The following ALG10 variants were observed in gnomAD, a reference collection of about 807,000 sequenced individuals.
The protein encoded by ALG10 is dol-P-Glc:Glc(2)Man(9)GlcNAc(2)-PP-Dol alpha-1,2-glucosyltransferase A.
Under a neutral mutation model 39.2 loss-of-function variants are expected in ALG10, and 25 were observed. The ratio of observed to expected loss-of-function variants is 0.64; its 90% confidence interval spans 0.46 to 0.89. The LOEUF (loss-of-function observed/expected upper bound fraction) is 0.89, where lower values mean the gene tolerates loss of function less well. Among genes scored for constraint, ALG10 ranks in the 40% least tolerant of loss-of-function variants. The pLI is 0.00. For synonymous variants in ALG10, 184 were observed against 193.9 expected (o/e 0.95, Z 0.42); for missense variants, 486 against 546.6 (o/e 0.89, Z 1.11).
rs2120701445 is a variant in ALG10 at position 34,027,819 on chromosome 12, T to G, written c.*904T>G. ...TCCATAAACAGACATTCTATGTCTGTTTCCTAATATCTTGTGGCTGTGTGC... is the reference window on the plus strand; with the variant it reads ...TCCATAAACAGACATTCTATGTCTGGTTCCTAATATCTTGTGGCTGTGTGC... On this transcript the variant is annotated 3_prime_UTR_variant, in exon 3 of 3. Transcript: ENST00000266483. 6.6e-6 allele frequency: 1 copy of G among 152,260 alleles called. No individual in the cohort carries two copies. The highest frequency in any genetic ancestry group is 2.4e-5 in the African/African-American group (1 of 41,552). 9.4% of individuals were successfully genotyped at this position (152,260 alleles called of 1,614,324 possible).
At position 34,026,430 on chromosome 12, in the gene ALG10, A is replaced by G. The variant is rs1942833549; in HGVS notation, c.937A>G (p.Lys313Glu). Residue 313 changes from lysine to glutamate, a missense_variant, in exon 3 of 3, where the codon AAG becomes GAG. Coordinates refer to ENST00000266483, the MANE Select transcript of ALG10 (RefSeq NM_032834.4). ...TCATCTCCTGTCTCCTAGCAAAATT[A>G]AGACTTTTCTTTCCTTAGTTTGGAA... Reference protein sequence around the residue: ...FPHLLSPSKIKTFLSLVWKRR... With the variant: ...FPHLLSPSKIETFLSLVWKRR... The G allele has an allele frequency of 6.2e-7, 1 of 1,613,900 alleles. No homozygotes were observed. The highest frequency in any genetic ancestry group is 1.1e-5 in the South Asian group (1 of 91,058).
Position 34,027,548 on chromosome 12 carries a change from G to T in ALG10, c.*633G>T, listed in dbSNP as rs1392315426. 1 of 152,564 alleles carries T rather than the reference G, an allele frequency of 6.6e-6. No individual in the cohort carries two copies. Among genetic ancestry groups the T allele is most frequent in the African/African-American group, 2.4e-5 (1 of 41,452 alleles). The allele number at this position is 152,564 out of a possible 1,614,324, so 9.5% of individuals were successfully genotyped here. ...TGGTTATTGTTTACAATCTAGAAAT[G>T]ATGAAGCTCTTTCACTAATTCCTAA... On this transcript the variant is annotated 3_prime_UTR_variant, in exon 3 of 3. Transcript: ENST00000266483.
rs1233913352 is a variant in ALG10 at position 34,025,904 on chromosome 12, A to G, written c.411A>G (p.Leu137=). Residue 137 remains leucine, a synonymous_variant, in exon 3 of 3, where the codon CTA becomes CTG. Coordinates refer to ENST00000266483, the MANE Select transcript of ALG10 (RefSeq NM_032834.4). ...AGAGAGTCTTGTCAACATTAACACT[A>G]GCAGTATTTCCAACACTTTATTTTT... ...SIQRVLSTLT[L]AVFPTLYFFN... is the part of the protein sequence containing the mutation. 4.3e-5 allele frequency: 70 copies of G among 1,613,924 alleles called. No homozygotes were observed. The highest frequency in any genetic ancestry group is 5.4e-5 in the Non-Finnish European group (64 of 1,179,916).
At position 34,022,519 on chromosome 12, in the gene ALG10, C is replaced by G; in HGVS notation, c.-81C>G. On this transcript the variant is annotated 5_prime_UTR_variant, in exon 1 of 3. Coordinates refer to ENST00000266483, the MANE Select transcript of ALG10 (RefSeq NM_032834.4). ...CTAGTCCCGCCTAGCGCGCCCATTT[C>G]GAGCCCAAGTTTCCAGCTCGGGTTT... 2 of 1,610,944 alleles carry G rather than the reference C, an allele frequency of 1.2e-6. No individual in the cohort carries two copies. The highest frequency in any genetic ancestry group is 3.3e-5 in the Admixed American group (2 of 59,984).
chr12:34,022,860 G>T (rs184136900), intron 1 of ALG10, 90 bp downstream of exon 1: 2 of 1,566,572 alleles, frequency 1.3e-6, no homozygotes, highest in Admixed American at 3.5e-5. Context: ...CACTCGTCCT[G>T]TTCCACCCCC....
At position 34,023,342 on chromosome 12, in the gene ALG10, C is replaced by T. The variant is rs1942798992; in HGVS notation, c.171+572C>T. ...TACATATAAATATCAAAATAAGCAT[C>T]CCCTGCTTCTCTGGTGACACAATAT... On this transcript the variant is annotated intron_variant, in intron 1 of 2. Coordinates refer to ENST00000266483, the MANE Select transcript of ALG10 (RefSeq NM_032834.4). 3 of 166,284 alleles carry T rather than the reference C, an allele frequency of 1.8e-5. No individual in the cohort carries two copies. In the South Asian group the frequency reaches 4.5e-4, roughly 25 times the overall value. The allele number at this position is 166,284 out of a possible 1,614,324, so 10.3% of individuals were successfully genotyped here. A position where few individuals can be genotyped will look rare whatever the true frequency, so the allele number is the denominator to read the frequency against.
Position 34,026,623 on chromosome 12 carries a change from A to G in ALG10, c.1130A>G (p.Tyr377Cys), listed in dbSNP as rs1236865938. The change falls in exon 3 of 3, where the codon TAT (tyrosine) becomes TGT (cysteine). Residue 377 changes from tyrosine to cysteine, a missense_variant. Transcript: ENST00000266483. ...GTAAAATATTTGTTAGTTCCAGCCT[A>G]TATATTTGCTGGTTGGAGTATAGCT... Reference protein sequence around the residue: ...ETVKYLLVPAYIFAGWSIADS... With the variant: ...ETVKYLLVPACIFAGWSIADS... 1.9e-6 allele frequency: 3 copies of G among 1,613,898 alleles called. No homozygotes were observed. The highest frequency in any genetic ancestry group is 2.5e-6 in the Non-Finnish European group (3 of 1,179,894).
chr12:34,023,822 A>G (rs372004461), intron 1 of ALG10, 140 bp from the exon 2 acceptor site: 82 of 1,185,128 alleles, frequency 6.9e-5, no homozygotes, highest in Non-Finnish European at 9.1e-5. Flanking sequence ...CTGTTCTGCC[A>G]AGGACTTACT....
rs150598480 is a variant in ALG10, at chr12:34,027,021, T to TG, written c.*108dup. On this transcript the variant is annotated 3_prime_UTR_variant, in exon 3 of 3. Transcript: ENST00000266483. Reference sequence around the variant, plus strand: ...ATGGAATTTCTTTTAGGTGCAGTGGTGGTCTTCAAATTACATTAGTTTTTT... The same window carrying TG: ...ATGGAATTTCTTTTAGGTGCAGTGGTGGGTCTTCAAATTACATTAGTTTTTT... 22 of 1,244,170 alleles carry TG rather than the reference T, an allele frequency of 1.8e-5. No homozygotes were observed. In the African/African-American group the frequency reaches 3.2e-4, roughly 18 times the overall value. The allele number at this position is 1,244,170 out of a possible 1,614,324, so 77.1% of individuals were successfully genotyped here.
intron 1 of ALG10, 26 bp downstream of exon 1, chr12:34,022,796 C>A: frequency 1.9e-6 from 3 of 1,613,990 alleles, no homozygotes; most frequent in Non-Finnish European, 2.5e-6. Flanking sequence ...TGTCCCCACC[C>A]CAGGAGAGGC....
At position 34,026,020 on chromosome 12, in the gene ALG10, C is replaced by A. The variant is rs776778309; in HGVS notation, c.527C>A (p.Ala176Asp). The A allele has an allele frequency of 2.5e-6, 4 of 1,614,024 alleles. No individual in the cohort carries two copies. In the South Asian group the frequency reaches 3.3e-5, roughly 13 times the overall value. ...CTTTATGGAAATCATAAAACTTCAGCCTTCCTTGGATTTTGTGGCTTCATG... is the reference window on the plus strand; with the variant it reads ...CTTTATGGAAATCATAAAACTTCAGACTTCCTTGGATTTTGTGGCTTCATG... ...MCLYGNHKTS[A>D]FLGFCGFMFR... is the part of the protein sequence containing the mutation. The change falls in exon 3 of 3, where the codon GCC (alanine) becomes GAC (aspartate). Residue 176 changes from alanine (A) to aspartate (D), a missense_variant. Physicochemically the swap from Ala to Asp is moderately radical, Grantham distance 126 (BLOSUM62 -2). Coordinates refer to ENST00000266483, the MANE Select transcript of ALG10 (RefSeq NM_032834.4).
rs778760261 is a variant in ALG10, at chr12:34,025,843, G to C, written c.370-20G>C. On this transcript the variant is annotated intron_variant, in intron 2 of 2. Coordinates refer to ENST00000266483, the MANE Select transcript of ALG10 (RefSeq NM_032834.4). ...TTTTGTCATGAAAATAATTTTATCT[G>C]TGTTTCTTCTTCCTCCAAGGCTGCC... 1 of 1,613,412 alleles carries C rather than the reference G, an allele frequency of 6.2e-7. No homozygotes were observed. The highest frequency in any genetic ancestry group is 1.1e-5 in the South Asian group (1 of 90,834).
At chr12:34,024,745 G>C (rs1312438317) in intron 2 of ALG10, among the ~76,000 whole-genome samples, 2 of 152,212 alleles carry the variant, frequency 1.3e-5, no homozygotes, top group Non-Finnish European at 2.9e-5. Flanking sequence ...CAGAGATATA[G>C]TAAGGGTTCA....
Position 34,026,670 on chromosome 12 carries a change from A to T in ALG10, c.1177A>T (p.Ile393Phe). 2 of 1,613,788 alleles carry T rather than the reference A, an allele frequency of 1.2e-6. No individual in the cohort carries two copies. Among genetic ancestry groups the T allele is most frequent in the Non-Finnish European group, 1.7e-6 (2 of 1,179,882 alleles). ...SIADSLKSKS[I>F]FWNLMFFICL... is the part of the protein sequence containing the mutation. Reference sequence around the variant, plus strand: ...AGCTGACTCATTGAAATCAAAGTCAATTTTTTGGAATTTAATGTTTTTCAT... The same window carrying T: ...AGCTGACTCATTGAAATCAAAGTCATTTTTTTGGAATTTAATGTTTTTCAT... The change falls in exon 3 of 3, where the codon ATT (isoleucine) becomes TTT (phenylalanine). Residue 393 changes from isoleucine (I) to phenylalanine (F), a missense_variant. Transcript: ENST00000266483.
chr12:34,022,674 C>G lies in ALG10; in HGVS notation c.75C>G (p.Ser25=), dbSNP rs369948647. 2 of 1,614,052 alleles carry G rather than the reference C, an allele frequency of 1.2e-6. No homozygotes were observed. Among genetic ancestry groups the G allele is most frequent in the Non-Finnish European group, 1.7e-6 (2 of 1,180,038 alleles). The change falls in exon 1 of 3, where the codon TCC becomes TCG. Residue 25 remains serine, a synonymous_variant. Transcript: ENST00000266483. ...CTFLVSCLLF[S]AFSRALREPY... ...TTTTAGTATCCTGCCTCCTCTTCTC[C>G]GCCTTCAGCCGGGCGTTGCGAGAGC...
Position 34,026,025 on chromosome 12 carries a change from C to G in ALG10, c.532C>G (p.Leu178Val). 1 of 1,613,956 alleles carries G rather than the reference C, an allele frequency of 6.2e-7. No individual in the cohort carries two copies. Among genetic ancestry groups the G allele is most frequent in the South Asian group, 1.1e-5 (1 of 91,076 alleles). Reference protein sequence around the residue: ...LYGNHKTSAFLGFCGFMFRQT... With the variant: ...LYGNHKTSAFVGFCGFMFRQT... The stretch of plus-strand genomic sequence containing the variant: ...TGGAAATCATAAAACTTCAGCCTTC[C>G]TTGGATTTTGTGGCTTCATGTTTCG... The change falls in exon 3 of 3, where the codon CTT (leucine) becomes GTT (valine). Residue 178 changes from leucine to valine, a missense_variant. By Grantham distance (32) the Leu-to-Val change is conservative. Transcript: ENST00000266483.
chr12:34,023,671 A>G, intron 1 of ALG10: 1 of 415,172 alleles, frequency 2.4e-6, no homozygotes, highest in Admixed American at 3.7e-5. Flanking sequence ...GAACATTTGC[A>G]GTTTATTTAT....
In ALG10 at chr12:34,023,878, G is replaced by T. The variant is rs1289810979; in HGVS notation, c.172-84G>T. 7 of 1,503,700 alleles carry T rather than the reference G, an allele frequency of 4.7e-6. No individual in the cohort carries two copies. The African/African-American group carries it at 6.9e-5, about 15-fold the overall frequency. The allele number at this position is 1,503,700 out of a possible 1,614,324, so 93.1% of individuals were successfully genotyped here. A position where few individuals can be genotyped will look rare whatever the true frequency, so the allele number is the denominator to read the frequency against. ...TTCTCAAAATTTCTGATTGTTGCTG[G>T]AGATGAGACTTGGGCTTGACATATT... On this transcript the variant is annotated intron_variant, in intron 1 of 2. Coordinates refer to ENST00000266483, the MANE Select transcript of ALG10 (RefSeq NM_032834.4).
At position 34,024,067 on chromosome 12, in the gene ALG10, A is replaced by C. The variant is rs200858504; in HGVS notation, c.277A>C (p.Ile93Leu). 39 of 1,614,156 alleles carry C rather than the reference A, an allele frequency of 2.4e-5. No homozygotes were observed. The African/African-American group carries it at 4.5e-4, about 19-fold the overall frequency. ...FGWSEHVVCS[I>L]GMLRFVNLLF... is the part of the protein sequence containing the mutation. Reference sequence around the variant, plus strand: ...ATGGTCTGAACATGTTGTCTGCTCCATTGGGATGCTCAGATTTGTTAATCT... The same window carrying C: ...ATGGTCTGAACATGTTGTCTGCTCCCTTGGGATGCTCAGATTTGTTAATCT... The change falls in exon 2 of 3, where the codon ATT becomes CTT. Residue 93 changes from isoleucine to leucine, a missense_variant. Ile to Leu is a conservative substitution (Grantham distance 5, BLOSUM62 2). Transcript: ENST00000266483.
Sources: gnomAD v4.1 joint callset for allele counts (sites outside exome capture counted in the v4.1 genomes callset) on GRCh38, gnomAD v4.1.1 for gene constraint, MANE v1.5 for transcripts, NCBI Gene and HGNC (gene_info 2026-07-23, HGNC 2026-07-21) for gene names.